The following NDUFA5 variants were observed in gnomAD, a reference collection of about 807,000 sequenced individuals.
NDUFA5 encodes NADH:ubiquinone oxidoreductase subunit A5.
In NDUFA5, 11 loss-of-function variants were observed where a neutral mutation model predicts 19.8. That is an observed-to-expected ratio of 0.56 (90% CI 0.35 to 0.92). The LOEUF (loss-of-function observed/expected upper bound fraction) is 0.92. NDUFA5 is among the 40% of genes least tolerant of loss of function. NDUFA5 has a pLI of 0.01. For missense variants in NDUFA5, 109 were observed against 134.2 expected (o/e 0.81, Z 0.93); for synonymous variants, 47 against 46.8 (o/e 1.00, Z -0.01).
chr7:123,552,918 C>T (rs1798407535), intron 2 of NDUFA5, among the ~76,000 whole-genome samples: 1 of 152,232 alleles, frequency 6.6e-6, no homozygotes, highest in African/African-American at 2.4e-5. Context: ...TTGCTACTTG[C>T]ATTCAGCTCC....
At chr7:123,561,095 T>C (rs1461843563), upstream of NDUFA5, among the ~76,000 whole-genome samples, 1 of 152,232 alleles carries the variant, frequency 6.6e-6, no homozygotes, top group Non-Finnish European at 1.5e-5. Flanking sequence ...ATTGGTCAGA[T>C]GGCAATACTC....
chr7:123,560,589 A>G (rs1249758014), upstream of NDUFA5, among the ~76,000 whole-genome samples: 3 of 152,330 alleles, frequency 2.0e-5, no homozygotes, highest in South Asian at 2.1e-4. Flanking sequence ...CTGAAGGCTG[A>G]TAAGTTTAAG....
At chr7:123,549,873 A>G (rs2116125536) in intron 3 of NDUFA5, among the ~76,000 whole-genome samples, 1 of 152,344 alleles carries the variant, frequency 6.6e-6, no homozygotes, top group Middle Eastern at 3.4e-3. Context: ...TAGTCTGGTA[A>G]TCTAATAAGA....
chr7:123,563,621 A>C, the NDUFA5 span, among the ~76,000 whole-genome samples: 1 of 152,238 alleles, frequency 6.6e-6, no homozygotes, highest in Non-Finnish European at 1.5e-5. Flanking sequence ...CTGTTGGAAA[A>C]AATGGTGCTA....
chr7:123,599,699 A>T, the NDUFA5 span, among the ~76,000 whole-genome samples: 1 of 152,198 alleles, frequency 6.6e-6, no homozygotes, highest in East Asian at 1.9e-4. Flanking sequence ...TTTTAACCTA[A>T]GACTCTTCAT....
At chr7:123,551,817 T>C (rs12666957) in intron 2 of NDUFA5, among the ~76,000 whole-genome samples, 43,451 of 152,054 alleles carry the variant, frequency 0.29, 6,343 homozygotes, top group East Asian at 0.33. Flanking sequence ...AATTTAAATA[T>C]ATAATGCATA....
intron 3 of NDUFA5, chr7:123,546,602 TC>T (rs1379813298): frequency 6.2e-6 from 7 of 1,135,532 alleles, no homozygotes; most frequent in Admixed American, 2.9e-5. Flanking sequence ...TAAGGCTTTG[TC>T]TTTTCAGGGT....
At chr7:123,567,828 A>G in the NDUFA5 span, among the ~76,000 whole-genome samples, 1 of 152,190 alleles carries the variant, frequency 6.6e-6, no homozygotes, top group Non-Finnish European at 1.5e-5. Context: ...GAAAAAAAAA[A>G]CAAACATTCT....
chr7:123,557,066 G>C (rs142377299), intron 2 of NDUFA5: 1 of 537,944 alleles, frequency 1.9e-6, no homozygotes, highest in African/African-American at 1.9e-5. Context: ...GTAATCCAAC[G>C]CACCTAAGCA....
the NDUFA5 span, among the ~76,000 whole-genome samples, chr7:123,591,811 C>G: frequency 6.6e-6 from 1 of 152,180 alleles, no homozygotes; most frequent in East Asian, 1.9e-4. Flanking sequence ...ATGCTGACCT[C>G]ATAAAATGAG....
At chr7:123,543,051 T>G (rs779231693) in intron 4 of NDUFA5, among the ~76,000 whole-genome samples, 11 of 152,160 alleles carry the variant, frequency 7.2e-5, no homozygotes, top group Admixed American at 1.3e-4. Flanking sequence ...ATTACACAGT[T>G]AAAAGATAAT....
chr7:123,597,928 G>GTA, the NDUFA5 span, among the ~76,000 whole-genome samples: 153 of 150,674 alleles, frequency 1.0e-3, 1 homozygote, highest in South Asian at 6.1e-3. Context: ...GTGTGTGTGT[G>GTA]TGTGTGTGTG....
intron 4 of NDUFA5, among the ~76,000 whole-genome samples, chr7:123,543,566 GATT>G (rs2117456039): frequency 6.6e-6 from 1 of 152,030 alleles, no homozygotes; most frequent in South Asian, 2.1e-4. Flanking sequence ...ATATTTTTAT[GATT>G]ATATTTAAAT....
chr7:123,556,786 G>C (rs767977030), intron 2 of NDUFA5: 3 of 482,818 alleles, frequency 6.2e-6, no homozygotes, highest in Non-Finnish European at 1.2e-5. Flanking sequence ...CTGACCATTG[G>C]ATTTGGCAGC....
the NDUFA5 span, among the ~76,000 whole-genome samples, chr7:123,581,541 A>G: frequency 6.6e-6 from 1 of 151,706 alleles, no homozygotes; most frequent in Non-Finnish European, 1.5e-5. Flanking sequence ...TTGATGTGTC[A>G]TGTTCTAAAG....
At position 123,541,664 on chromosome 7, in the gene NDUFA5, A is replaced by G. The variant is rs950247906; in HGVS notation, c.*455T>C. ...AATTTTATCACCAGCCACTTGTGCT[A>G]TTTTATCACATTTGAAAATATTCAC... On this transcript the variant is annotated 3_prime_UTR_variant, in exon 5 of 5. Coordinates refer to ENST00000355749, the MANE Select transcript of NDUFA5 (RefSeq NM_005000.5). 4 of 152,228 alleles carry G rather than the reference A, an allele frequency of 2.6e-5. No homozygotes were observed. Among genetic ancestry groups the G allele is most frequent in the African/African-American group, 9.7e-5 (4 of 41,442 alleles). 9.4% of individuals were successfully genotyped at this position (152,228 alleles called of 1,614,324 possible). A position where few individuals can be genotyped will look rare whatever the true frequency, so the allele number is the denominator to read the frequency against.
At chr7:123,593,272 T>C in the NDUFA5 span, among the ~76,000 whole-genome samples, 1 of 152,202 alleles carries the variant, frequency 6.6e-6, no homozygotes, top group African/African-American at 2.4e-5. Context: ...CCTGTTTACA[T>C]TTAAGGTTAA....
chr7:123,572,925 C>G, the NDUFA5 span, among the ~76,000 whole-genome samples: 1 of 150,860 alleles, frequency 6.6e-6, no homozygotes. Context: ...TCTTTTTTGT[C>G]TTTTTTTGTC....
At chr7:123,550,025 T>C (rs1327290282) in intron 3 of NDUFA5, 3 of 152,872 alleles carry the variant, frequency 2.0e-5, no homozygotes, top group Non-Finnish European at 4.3e-5. Flanking sequence ...TAGTTTGGTA[T>C]GAATCAGCAG....
Sources: gnomAD v4.1 joint callset for allele counts (sites outside exome capture counted in the v4.1 genomes callset) on GRCh38, gnomAD v4.1.1 for gene constraint, MANE v1.5 for transcripts, NCBI Gene and HGNC (gene_info 2026-07-23, HGNC 2026-07-21) for gene names.